Variants in ST6GALNAC3 observed in about 807,000 individuals in gnomAD.
ST6GALNAC3 encodes ST6 N-acetylgalactosaminide alpha-2,6-sialyltransferase 3.
In ST6GALNAC3, 25 loss-of-function variants were observed where a neutral mutation model predicts 32.7. That is an observed-to-expected ratio of 0.76 (90% CI 0.56 to 1.07). The LOEUF (loss-of-function observed/expected upper bound fraction) is 1.07. ST6GALNAC3 is among the 50% of genes least tolerant of loss of function. ST6GALNAC3 has a pLI of 0.00. For synonymous variants in ST6GALNAC3, 129 were observed against 133.1 expected, an observed-to-expected ratio of 0.97 and a Z score of 0.21; for missense variants, 355 against 382.4, an observed-to-expected ratio of 0.93 and a Z score of 0.60.
chr1:76,364,982 A>G (rs1650254346), intron 2 of ST6GALNAC3, among the ~76,000 whole-genome samples: 1 of 152,228 alleles, frequency 6.6e-6, no homozygotes, highest in Non-Finnish European at 1.5e-5. Flanking sequence ...TTGGGTATAC[A>G]GCCAAAAGAA....
intron 3 of ST6GALNAC3, among the ~76,000 whole-genome samples, chr1:76,466,999 C>T (rs889392486): frequency 5.3e-5 from 8 of 151,952 alleles, no homozygotes; most frequent in African/African-American, 1.4e-4. Flanking sequence ...TGTTTTTATT[C>T]GCACTTTCCT....
chr1:76,496,979 AG>A (rs1322685215), intron 3 of ST6GALNAC3, among the ~76,000 whole-genome samples: 15 of 152,184 alleles, frequency 9.9e-5, no homozygotes, highest in African/African-American at 3.4e-4. Context: ...AGGTGAAGAA[AG>A]TTGAAAATTT....
intron 1 of ST6GALNAC3, among the ~76,000 whole-genome samples, chr1:76,270,054 C>T (rs192399489): frequency 6.6e-6 from 1 of 151,996 alleles, no homozygotes; most frequent in Non-Finnish European, 1.5e-5. Context: ...GCATCCATAC[C>T]CCCCAAATAG....
intron 4 of ST6GALNAC3, 60 bp downstream of exon 4, chr1:76,627,619 A>G (rs1160455336): frequency 2.5e-6 from 3 of 1,212,532 alleles, no homozygotes; most frequent in Non-Finnish European, 3.7e-6. Context: ...TCAAAATATC[A>G]CAATTCATTT....
intron 3 of ST6GALNAC3, among the ~76,000 whole-genome samples, chr1:76,473,503 TATTAA>T (rs1232701962): frequency 2.6e-5 from 4 of 152,206 alleles, no homozygotes; most frequent in Admixed American, 6.5e-5. Context: ...TTTCTTGAGT[TATTAA>T]ATTATCTTCT....
intron 1 of ST6GALNAC3, among the ~76,000 whole-genome samples, chr1:76,206,031 A>G (rs522414): frequency 0.83 from 125,599 of 152,158 alleles, 52,489 homozygotes; most frequent in East Asian, 1. Flanking sequence ...CTCTTTTCAT[A>G]TTATGGCTTG....
At chr1:76,233,158 T>A (rs1267489216) in intron 1 of ST6GALNAC3, among the ~76,000 whole-genome samples, 1 of 152,112 alleles carries the variant, frequency 6.6e-6, no homozygotes, top group African/African-American at 2.4e-5. Flanking sequence ...CCTCCCAAAT[T>A]CTTCTACAGT....
At chr1:76,139,459 C>T (rs958689938) in intron 1 of ST6GALNAC3, among the ~76,000 whole-genome samples, 16 of 152,116 alleles carry the variant, frequency 1.1e-4, no homozygotes, top group African/African-American at 3.6e-4. Context: ...GGAAGAAATG[C>T]TCATTCGGCA....
At chr1:76,626,821 C>T (rs373911443) in intron 3 of ST6GALNAC3, among the ~76,000 whole-genome samples, 3 of 152,032 alleles carry the variant, frequency 2.0e-5, no homozygotes. Context: ...TATCCCCAGC[C>T]TCCATAACAG....
intron 1 of ST6GALNAC3, among the ~76,000 whole-genome samples, chr1:76,311,615 CT>C (rs1401604273): frequency 1.3e-5 from 2 of 152,078 alleles, no homozygotes; most frequent in African/African-American, 2.4e-5. Context: ...TGAACTCATC[CT>C]TTTTTATGGC....
intron 2 of ST6GALNAC3, among the ~76,000 whole-genome samples, chr1:76,398,220 A>G (rs1314587127): frequency 6.6e-6 from 1 of 152,226 alleles, no homozygotes; most frequent in Non-Finnish European, 1.5e-5. Context: ...AAATGAGACA[A>G]ATCTCTTTAG....
chr1:76,265,952 T>C (rs1238173545), intron 1 of ST6GALNAC3, among the ~76,000 whole-genome samples: 5 of 152,142 alleles, frequency 3.3e-5, no homozygotes, highest in African/African-American at 1.2e-4. Flanking sequence ...CACAGGTAGA[T>C]GGTCTGAGGA....
intron 3 of ST6GALNAC3, among the ~76,000 whole-genome samples, chr1:76,486,381 G>C (rs1278516188): frequency 1.3e-5 from 2 of 152,084 alleles, no homozygotes; most frequent in East Asian, 3.9e-4. Flanking sequence ...AGGTCTCTAA[G>C]GACTTGCTTT....
At chr1:76,332,631 C>G (rs2100964513) in intron 2 of ST6GALNAC3, among the ~76,000 whole-genome samples, 1 of 152,232 alleles carries the variant, frequency 6.6e-6, no homozygotes, top group South Asian at 2.1e-4. Context: ...AGCTGGTCAT[C>G]AGGTTAGAGC....
intron 3 of ST6GALNAC3, among the ~76,000 whole-genome samples, chr1:76,555,890 T>C (rs142795833): frequency 1.3e-5 from 2 of 152,242 alleles, no homozygotes; most frequent in Admixed American, 1.3e-4. Flanking sequence ...ATATTATTCA[T>C]ATACCATACA....
intron 1 of ST6GALNAC3, among the ~76,000 whole-genome samples, chr1:76,288,593 G>A (rs1659906953): frequency 6.6e-6 from 1 of 152,208 alleles, no homozygotes; most frequent in African/African-American, 2.4e-5. Flanking sequence ...TAACTGCTGT[G>A]GAAGCTCAGA....
chr1:76,367,735 C>T (rs1405168323), intron 2 of ST6GALNAC3, among the ~76,000 whole-genome samples: 1 of 152,030 alleles, frequency 6.6e-6, no homozygotes, highest in African/African-American at 2.4e-5. Context: ...GCTTGTCAGA[C>T]AGTATGTGTA....
intron 3 of ST6GALNAC3, among the ~76,000 whole-genome samples, chr1:76,613,545 G>A (rs1214097227): frequency 2.0e-5 from 3 of 152,204 alleles, no homozygotes; most frequent in Middle Eastern, 3.2e-3. Flanking sequence ...TTGTATCCCT[G>A]CCCAAATCTC....
intron 1 of ST6GALNAC3, among the ~76,000 whole-genome samples, chr1:76,256,368 A>G (rs1657919171): frequency 6.6e-6 from 1 of 152,134 alleles, no homozygotes; most frequent in Non-Finnish European, 1.5e-5. Context: ...GATCATAACA[A>G]AAAGACACTG....
Sources: allele counts gnomAD v4.1 joint callset (sites outside exome capture counted in the v4.1 genomes callset), GRCh38; gene constraint gnomAD v4.1.1; transcripts MANE v1.5; gene names NCBI Gene and HGNC (gene_info 2026-07-23, HGNC 2026-07-21).